The following TTC39B variants were observed in gnomAD, a reference collection of about 807,000 sequenced individuals.
TTC39B encodes tetratricopeptide repeat protein 39B.
Under a neutral mutation model 96.6 loss-of-function variants are expected in TTC39B, and 92 were observed. The observed-to-expected ratio is 0.95, with a 90% confidence interval of 0.80 to 1.13. The LOEUF is 1.13. TTC39B is among the 50% of genes most tolerant of loss of function. The pLI is 0.00. For missense variants in TTC39B, 955 were observed against 809.3 expected (o/e 1.18, Z -2.18); for synonymous variants, 367 against 299.4 (o/e 1.23, Z -2.33).
chr9:15,277,544 T>C (rs926334406), intron 1 of TTC39B, among the ~76,000 whole-genome samples: 2 of 151,958 alleles, frequency 1.3e-5, no homozygotes, highest in African/African-American at 4.8e-5. Flanking sequence ...TTGGCCAACA[T>C]GGTGAGACCT....
intron 1 of TTC39B, 84 bp from the exon 2 acceptor site, chr9:15,268,032 G>C: frequency 7.9e-7 from 1 of 1,260,532 alleles, no homozygotes; most frequent in Non-Finnish European, 1.1e-6. Flanking sequence ...ATGAATACAC[G>C]CATTGGGGAG....
intron 2 of TTC39B, among the ~76,000 whole-genome samples, chr9:15,229,443 T>C (rs960033493): frequency 6.6e-6 from 1 of 152,244 alleles, no homozygotes; most frequent in East Asian, 1.9e-4. Flanking sequence ...TGTTAACTTG[T>C]AGATTTTTTA....
chr9:15,185,048 A>G (rs901842284), intron 16 of TTC39B, among the ~76,000 whole-genome samples: 1 of 152,246 alleles, frequency 6.6e-6, no homozygotes, highest in African/African-American at 2.4e-5. Flanking sequence ...TAAGAATAAA[A>G]TGATACGTTT....
At chr9:15,229,862 C>T (rs1821328372) in intron 2 of TTC39B, among the ~76,000 whole-genome samples, 1 of 152,162 alleles carries the variant, frequency 6.6e-6, no homozygotes, top group Non-Finnish European at 1.5e-5. Flanking sequence ...GTTATTATTA[C>T]ACCTACATTC....
chr9:15,250,643 T>C (rs978425350), intron 2 of TTC39B, among the ~76,000 whole-genome samples: 3 of 152,234 alleles, frequency 2.0e-5, no homozygotes, highest in Admixed American at 6.5e-5. Flanking sequence ...CACTTTTAAA[T>C]TGATAATTGA....
intron 6 of TTC39B, among the ~76,000 whole-genome samples, chr9:15,206,212 A>G (rs1819846420): frequency 6.6e-6 from 1 of 151,966 alleles, no homozygotes; most frequent in Non-Finnish European, 1.5e-5. Flanking sequence ...CTGTTTGTAA[A>G]GGCAATTTGA....
At chr9:15,202,437 C>T (rs1278399635) in intron 7 of TTC39B, among the ~76,000 whole-genome samples, 6 of 152,180 alleles carry the variant, frequency 3.9e-5, no homozygotes, top group African/African-American at 7.2e-5. Flanking sequence ...TGTGGCTGGG[C>T]GCAGTGGCTC....
At position 15,306,170 on chromosome 9, in the gene TTC39B, G is replaced by C. The variant is rs1357329836; in HGVS notation, c.240+914C>G. On this transcript the variant is annotated intron_variant, in intron 1 of 19. Transcript: ENST00000512701. This position sits in a 1 kb window ranked among gnomAD's most constrained non-coding sequence, Gnocchi z 5.1. ...AAAGGCAGCGACTCGCACAATTCAA[G>C]TCAGGTAAGATGGCAGGAACAGCAG... 6.6e-6 allele frequency among the ~76,000 whole-genome samples: 1 copy of C among 152,236 alleles called. No homozygotes were observed. The highest frequency in any genetic ancestry group is 1.5e-5 in the Non-Finnish European group (1 of 68,034).
intron 1 of TTC39B, among the ~76,000 whole-genome samples, chr9:15,296,900 T>A (rs1326566277): frequency 6.6e-6 from 1 of 152,108 alleles, no homozygotes; most frequent in Non-Finnish European, 1.5e-5. Context: ...GCCAAGAGGA[T>A]CCCTTGAGCC....
intron 9 of TTC39B, 61 bp downstream of exon 9, chr9:15,192,529 G>T: frequency 1.5e-6 from 2 of 1,309,172 alleles, no homozygotes; most frequent in Non-Finnish European, 2.2e-6. Flanking sequence ...CAGTGGAGAA[G>T]GCACAGAAAA....
chr9:15,265,612 A>C (rs531484270), intron 2 of TTC39B, among the ~76,000 whole-genome samples: 1 of 152,226 alleles, frequency 6.6e-6, no homozygotes, highest in East Asian at 1.9e-4. Context: ...AATCACATAA[A>C]CAGATTATCT....
exon 9 of TTC39B, chr9:15,192,619 C>T (rs1298280439): frequency 2.5e-6 from 4 of 1,614,096 alleles, no homozygotes; most frequent in African/African-American, 1.3e-5. Context: ...CCAAGCTTGA[C>T]ACCCCCTTCA....
chr9:15,199,331 T>G (rs911448871), intron 8 of TTC39B, among the ~76,000 whole-genome samples: 1 of 152,196 alleles, frequency 6.6e-6, no homozygotes, highest in Non-Finnish European at 1.5e-5. Context: ...GTCAGTAGCT[T>G]TATTTTCAGC....
chr9:15,268,739 C>T (rs751372112), intron 1 of TTC39B, among the ~76,000 whole-genome samples: 1 of 152,210 alleles, frequency 6.6e-6, no homozygotes, highest in Non-Finnish European at 1.5e-5. Flanking sequence ...GCCCAAGCCA[C>T]GAGACCTCCA....
intron 3 of TTC39B, among the ~76,000 whole-genome samples, chr9:15,218,983 G>A (rs1159548318): frequency 1.3e-5 from 2 of 152,068 alleles, no homozygotes; most frequent in African/African-American, 2.4e-5. Flanking sequence ...GTTAGACAGG[G>A]AAATAACTGG....
chr9:15,190,913 C>A (rs530401243), intron 10 of TTC39B, among the ~76,000 whole-genome samples: 6 of 151,920 alleles, frequency 3.9e-5, no homozygotes, highest in Admixed American at 1.3e-4. Context: ...TAGGAAACCA[C>A]GTGAGAGTAA....
rs1020591554 is a variant in TTC39B, at chr9:15,226,402, T to C, written c.276-390A>G. Among the ~76,000 whole-genome samples the C allele has an allele frequency of 8.5e-5, 13 of 152,330 alleles. No individual in the cohort carries two copies. The East Asian group carries it at 1.9e-3, about 23-fold the overall frequency. ...GGTATACAGTATAATGGATTACATA[T>C]AGGAATTATTCTGAATCTTTTCTTC... On this transcript the variant is annotated intron_variant, in intron 2 of 19. Transcript: ENST00000512701.
chr9:15,284,179 A>G lies in TTC39B; in HGVS notation c.241-16231T>C, dbSNP rs116340798. On this transcript the variant is annotated intron_variant, in intron 1 of 19. Transcript: ENST00000512701. Reference sequence around the variant, plus strand: ...GAAGAAGAAATCCACTAGCCAATAAATGTGGAAATGTGCACGTAAAAAGTC... The same window carrying G: ...GAAGAAGAAATCCACTAGCCAATAAGTGTGGAAATGTGCACGTAAAAAGTC... Among the ~76,000 whole-genome samples the G allele has an allele frequency of 7.7e-3, 1,171 of 152,332 alleles. 14 individuals are homozygous for G. Among genetic ancestry groups the G allele is most frequent in the African/African-American group, 0.027 (1,122 of 41,576 alleles).
chr9:15,172,744 G>C (rs144942090), intron 19 of TTC39B, among the ~76,000 whole-genome samples: 1 of 152,194 alleles, frequency 6.6e-6, no homozygotes, highest in African/African-American at 2.4e-5. Context: ...CAGAAAAATG[G>C]AATACTTTTA....
Sources: allele counts gnomAD v4.1 joint callset (sites outside exome capture counted in the v4.1 genomes callset), GRCh38; gene constraint gnomAD v4.1.1; non-coding constraint Gnocchi (gnomAD v3.1); transcripts MANE v1.5; gene names NCBI Gene and HGNC (gene_info 2026-07-23, HGNC 2026-07-21).